The following SPAG17 variants were observed in gnomAD, a reference collection of about 807,000 sequenced individuals.
SPAG17 encodes the protein sperm-associated antigen 17.
SPAG17 carries 169 observed loss-of-function variants against 273.6 expected under a neutral mutation model. The observed-to-expected ratio is 0.62, with a 90% CI of 0.55 to 0.70. SPAG17 has a LOEUF of 0.70. Ranked by LOEUF, SPAG17 falls within the 30% of genes least tolerant of loss-of-function variation. SPAG17 has a pLI of 0.00. For synonymous variants in SPAG17, 825 were observed against 873.2 expected, an observed-to-expected ratio of 0.94 and a Z score of 0.97; for missense variants, 2,557 against 2,627.8, an observed-to-expected ratio of 0.97 and a Z score of 0.59.
At chr1:118,105,530 C>T (rs767497847) in intron 4 of SPAG17, among the ~76,000 whole-genome samples, 11 of 151,880 alleles carry the variant, frequency 7.2e-5, no homozygotes, top group African/African-American at 9.7e-5. Flanking sequence ...AGCAGAGAAA[C>T]GATAATACTG....
chr1:118,030,651 C>T (rs1359575284), intron 25 of SPAG17, among the ~76,000 whole-genome samples: 1 of 152,032 alleles, frequency 6.6e-6, no homozygotes, highest in Non-Finnish European at 1.5e-5. Flanking sequence ...TCCATGTGTT[C>T]TCATTGTTCA....
At chr1:117,988,367 T>C (rs572835529) in intron 38 of SPAG17, among the ~76,000 whole-genome samples, 163 bp from the exon 39 acceptor site, 2 of 152,330 alleles carry the variant, frequency 1.3e-5, no homozygotes, top group East Asian at 3.9e-4. Flanking sequence ...AACAGAAAAC[T>C]AGACTACTTT....
At chr1:118,083,824 C>T (rs1654788546) in intron 13 of SPAG17, among the ~76,000 whole-genome samples, 1 of 151,826 alleles carries the variant, frequency 6.6e-6, no homozygotes, top group African/African-American at 2.4e-5. Context: ...GGGATGACTC[C>T]AAGGTTTTCG....
chr1:118,028,181 T>C (rs115166282), intron 26 of SPAG17, 93 bp downstream of exon 26: 3 of 1,397,272 alleles, frequency 2.1e-6, no homozygotes, highest in South Asian at 1.4e-5. Context: ...ATCAACAAGA[T>C]GTATGTTTAA....
rs199505723 is a variant in SPAG17 at position 118,079,560 on chromosome 1, CTA to C, written c.2209+1539_2209+1540del. Among the ~76,000 whole-genome samples, 367 of 151,914 alleles carry C rather than the reference CTA, an allele frequency of 2.4e-3. 2 individuals are homozygous for C. The highest frequency in any genetic ancestry group is 7.8e-3 in the African/African-American group (322 of 41,508). ...TTGCATTTTTGTTCTTCCTATGTTTCTATGTTTTCTATTTCATTGACGTAATT... is the reference window on the plus strand; with the variant it reads ...TTGCATTTTTGTTCTTCCTATGTTTCTGTTTTCTATTTCATTGACGTAATT... On this transcript the variant is annotated intron_variant, in intron 15 of 48. Coordinates refer to ENST00000336338, the MANE Select transcript of SPAG17 (RefSeq NM_206996.4).
At chr1:118,056,061 A>G (rs1027834005) in intron 18 of SPAG17, 147 bp from the exon 19 acceptor site, 1 of 584,122 alleles carries the variant, frequency 1.7e-6, no homozygotes. Flanking sequence ...CAAAATAGTC[A>G]AATACAAATA....
At chr1:118,154,207 C>G (rs1006595656) in intron 1 of SPAG17, among the ~76,000 whole-genome samples, 1 of 152,166 alleles carries the variant, frequency 6.6e-6, no homozygotes, top group Non-Finnish European at 1.5e-5. Flanking sequence ...AGCTCTGTCC[C>G]AGTTTCCCAT....
rs7550033 is a variant in SPAG17 at position 118,150,666 on chromosome 1, C to T, written c.229-37G>A. 5.8e-3 allele frequency: 7,107 copies of T among 1,232,512 alleles called. 333 individuals are homozygous for T. In the African/African-American group the frequency reaches 0.097, roughly 17 times the overall value. The allele number at this position is 1,232,512 out of a possible 1,614,324, so 76.3% of individuals were successfully genotyped here. On this transcript the variant is annotated intron_variant, in intron 2 of 48. Coordinates refer to ENST00000336338, the MANE Select transcript of SPAG17 (RefSeq NM_206996.4). ...TTAAATTTACTTATGATGAAAAAAG[C>T]CTTATTTGAAGAATACTTAGATATA... is the stretch of plus-strand genomic sequence containing the variant.
chr1:117,983,951 G>T, intron 41 of SPAG17, 38 bp from the exon 42 acceptor site: 2 of 1,057,680 alleles, frequency 1.9e-6, no homozygotes, highest in Non-Finnish European at 1.4e-6. Context: ...ACTTATACAT[G>T]GCTGAAATTC....
At position 118,025,830 on chromosome 1, in the gene SPAG17, C is replaced by A. The variant is rs374975877; in HGVS notation, c.3731-414G>T. 2.6e-5 allele frequency among the ~76,000 whole-genome samples: 4 copies of A among 152,264 alleles called. No homozygotes were observed. The South Asian group carries it at 8.3e-4, about 32-fold the overall frequency. On this transcript the variant is annotated intron_variant, in intron 26 of 48. Coordinates refer to ENST00000336338, the MANE Select transcript of SPAG17 (RefSeq NM_206996.4). ...TTTTGTCTGCATGTGAATAATAGGG[C>A]AGTTTCCATGTTATGACAGATGGTC...
chr1:118,074,556 C>A lies in SPAG17; in HGVS notation c.2254G>T (p.Ala752Ser). 6.2e-7 allele frequency: 1 copy of A among 1,613,572 alleles called. No individual in the cohort carries two copies. Among genetic ancestry groups the A allele is most frequent in the Non-Finnish European group, 8.5e-7 (1 of 1,179,676 alleles). The change falls in exon 16 of 49, where the codon GCT becomes TCT. Residue 752 changes from alanine to serine, a missense_variant. Coordinates refer to ENST00000336338, the MANE Select transcript of SPAG17 (RefSeq NM_206996.4). ...TTCCTTACCTTTTCATGAGAATCAGCCTTTGTGACTGCATCATCTTTGATC... is the reference window on the plus strand; with the variant it reads ...TTCCTTACCTTTTCATGAGAATCAGACTTTGTGACTGCATCATCTTTGATC... ...NEIKDDAVTKADSHEKKPKKM... is the reference protein window; with the variant it reads ...NEIKDDAVTKSDSHEKKPKKM...
chr1:118,111,553 A>ACACACACAC (rs6143395), intron 4 of SPAG17, among the ~76,000 whole-genome samples: 102 of 135,926 alleles, frequency 7.5e-4, no homozygotes, highest in African/African-American at 2.6e-3. Flanking sequence ...CTTTTAAAAC[A>ACACACACAC]ACACACACAC....
chr1:118,140,228 A>G (rs1658597987), intron 3 of SPAG17, among the ~76,000 whole-genome samples: 1 of 152,256 alleles, frequency 6.6e-6, no homozygotes, highest in South Asian at 2.1e-4. Context: ...GACAATAGTC[A>G]AAAGGTAGAA....
intron 30 of SPAG17, 151 bp downstream of exon 30, chr1:118,012,077 C>A: frequency 1.8e-6 from 1 of 560,568 alleles, no homozygotes; most frequent in South Asian, 2.8e-5. Flanking sequence ...CTTATAGACC[C>A]TGCTTTGGAT....
At chr1:118,074,041 A>C in intron 16 of SPAG17, 74 bp from the exon 17 acceptor site, 2 of 948,904 alleles carry the variant, frequency 2.1e-6, no homozygotes, top group South Asian at 3.6e-5. Context: ...GGCTCCGTCA[A>C]CTAACCAGTA....
chr1:118,051,385 A>G (rs1051576765), intron 20 of SPAG17, among the ~76,000 whole-genome samples: 1 of 152,072 alleles, frequency 6.6e-6, no homozygotes, highest in Non-Finnish European at 1.5e-5. Context: ...CAATCCCACT[A>G]CTGGGTATAT....
Position 118,085,907 on chromosome 1 carries a change from A to G in SPAG17, c.1762+15T>C. On this transcript the variant is annotated intron_variant, in intron 13 of 48. Coordinates refer to ENST00000336338, the MANE Select transcript of SPAG17 (RefSeq NM_206996.4). ...ATTAAATTGAGTTTAAGCTAAGACA[A>G]AGCAATGGACTCACCACTCGTACAA... 1 of 1,575,940 alleles carries G rather than the reference A, an allele frequency of 6.3e-7. No individual in the cohort carries two copies. Among genetic ancestry groups the G allele is most frequent in the South Asian group, 1.2e-5 (1 of 84,092 alleles).
rs748358745 is a variant in SPAG17 at position 118,151,216 on chromosome 1, A to G, written c.228+13T>C. ...AGTCTTCAGGTGGCTTTGAGGTAGG[A>G]AGGGACAGGTACCTGCTGGAGAATG... On this transcript the variant is annotated intron_variant, in intron 2 of 48. Transcript: ENST00000336338. 8 of 1,529,202 alleles carry G rather than the reference A, an allele frequency of 5.2e-6. No homozygotes were observed. Among genetic ancestry groups the G allele is most frequent in the Non-Finnish European group, 7.1e-6 (8 of 1,132,010 alleles). 94.7% of individuals were successfully genotyped at this position (1,529,202 alleles called of 1,614,324 possible). A position where few individuals can be genotyped will look rare whatever the true frequency, so the allele number is the denominator to read the frequency against.
intron 13 of SPAG17, among the ~76,000 whole-genome samples, chr1:118,084,187 A>G (rs964982104): frequency 6.6e-6 from 1 of 152,122 alleles, no homozygotes; most frequent in Non-Finnish European, 1.5e-5. Context: ...AACAGAAATG[A>G]CATACCAGGC....
Sources: allele counts gnomAD v4.1 joint callset (sites outside exome capture counted in the v4.1 genomes callset), GRCh38; gene constraint gnomAD v4.1.1; transcripts MANE v1.5; gene names NCBI Gene and HGNC (gene_info 2026-07-23, HGNC 2026-07-21).